GRXCR2: variants seen among roughly 807,000 people sequenced by gnomAD.
GRXCR2 encodes the protein glutaredoxin domain-containing cysteine-rich protein 2.
In GRXCR2, 23 loss-of-function variants were observed where a neutral mutation model predicts 24.8. That is an observed-to-expected ratio of 0.93 (90% CI 0.67 to 1.32). GRXCR2 has a LOEUF of 1.32. Ranked by LOEUF, GRXCR2 falls within the 40% of genes most tolerant of loss-of-function variation. GRXCR2 has a pLI of 0.00. For missense variants in GRXCR2, 315 were observed against 303.4 expected, an observed-to-expected ratio of 1.04 and a Z score of -0.28; for synonymous variants, 130 against 116.1, an observed-to-expected ratio of 1.12 and a Z score of -0.77.
At chr5:145,907,088 CA>C (rs1206908801) in intron 2 of GRXCR2, among the ~76,000 whole-genome samples, 1 of 152,106 alleles carries the variant, frequency 6.6e-6, no homozygotes, top group East Asian at 1.9e-4. Flanking sequence ...GCATAGAGGA[CA>C]GGGGGTAGGT....
upstream of GRXCR2, among the ~76,000 whole-genome samples, chr5:145,873,857 C>T (rs1021069108): frequency 6.6e-6 from 1 of 152,212 alleles, no homozygotes; most frequent in African/African-American, 2.4e-5. Context: ...GTGAATAGCA[C>T]AGAAGCATGT....
intron 2 of GRXCR2, among the ~76,000 whole-genome samples, chr5:145,925,169 A>G (rs1254845995): frequency 3.3e-5 from 5 of 152,184 alleles, no homozygotes; most frequent in Admixed American, 6.6e-5. Flanking sequence ...CAGCATGTTT[A>G]AGTAATTTGC....
At chr5:145,927,653 G>A (rs1333406704) in intron 2 of GRXCR2, among the ~76,000 whole-genome samples, 1 of 152,070 alleles carries the variant, frequency 6.6e-6, no homozygotes, top group Non-Finnish European at 1.5e-5. Context: ...GAGGATTTTT[G>A]CATTGATGTT....
At chr5:145,882,958 T>C (rs1404544900) in intron 2 of GRXCR2, among the ~76,000 whole-genome samples, 1 of 136,822 alleles carries the variant, frequency 7.3e-6, no homozygotes, top group Non-Finnish European at 1.5e-5. Flanking sequence ...CACTCATAGT[T>C]GGGAATTGAA....
Position 145,859,845 on chromosome 5 carries a change from T to A in GRXCR2, c.635A>T (p.His212Leu). Residue 212 changes from histidine (H) to leucine (L), a missense_variant, in exon 3 of 3, where the codon CAC (histidine) becomes CTC (leucine). Transcript: ENST00000377976. Reference protein sequence around the residue: ...GSGSATCSLCHGSKFSMLANR... With the variant: ...GSGSATCSLCLGSKFSMLANR... Reference sequence around the variant, plus strand: ...GGCCAGCATCGAGAACTTGCTGCCGTGGCACAGAGAGCAGGTGGCACTGCC... The same window carrying A: ...GGCCAGCATCGAGAACTTGCTGCCGAGGCACAGAGAGCAGGTGGCACTGCC... 6.2e-7 allele frequency: 1 copy of A among 1,613,442 alleles called. No individual in the cohort carries two copies. The highest frequency in any genetic ancestry group is 8.5e-7 in the Non-Finnish European group (1 of 1,179,642).
chr5:145,876,187 GTGTGTATATATA>G (rs1289455566), upstream of GRXCR2, among the ~76,000 whole-genome samples: 1 of 77,082 alleles, frequency 1.3e-5, no homozygotes, highest in African/African-American at 8.3e-5. Context: ...GTATGTGTGT[GTGTGTATATATA>G]TATATATATA....
intron 2 of GRXCR2, among the ~76,000 whole-genome samples, chr5:145,914,133 G>A (rs1464671241): frequency 1.3e-5 from 2 of 152,116 alleles, no homozygotes; most frequent in Non-Finnish European, 2.9e-5. Flanking sequence ...GGGACGGCTG[G>A]CCACTCCTCT....
At chr5:145,905,104 G>C (rs981092042) in intron 2 of GRXCR2, among the ~76,000 whole-genome samples, 1 of 152,180 alleles carries the variant, frequency 6.6e-6, no homozygotes, top group African/African-American at 2.4e-5. Flanking sequence ...TTACCAAAAA[G>C]CATGGTTCTT....
At chr5:145,904,829 C>T (rs924855097) in intron 2 of GRXCR2, among the ~76,000 whole-genome samples, 9 of 152,214 alleles carry the variant, frequency 5.9e-5, no homozygotes, top group African/African-American at 2.2e-4. Flanking sequence ...ATGGGATGAG[C>T]CTCACATGCT....
At chr5:145,873,609 T>C (rs139942008), upstream of GRXCR2, among the ~76,000 whole-genome samples, 248 of 152,314 alleles carry the variant, frequency 1.6e-3, no homozygotes, top group Non-Finnish European at 2.6e-3. Flanking sequence ...CCAGAAGTTT[T>C]CCAGTTCTGG....
At chr5:145,872,595 C>A in intron 1 of GRXCR2, 38 bp downstream of exon 1, 1 of 1,507,060 alleles carries the variant, frequency 6.6e-7, no homozygotes, top group Non-Finnish European at 8.9e-7. Flanking sequence ...TTTAGGAAGC[C>A]CTACCCTTAA....
At chr5:145,905,961 G>A (rs1757086365) in intron 2 of GRXCR2, among the ~76,000 whole-genome samples, 1 of 152,092 alleles carries the variant, frequency 6.6e-6, no homozygotes, top group African/African-American at 2.4e-5. Flanking sequence ...AATAGATTGG[G>A]GCTACATTAT....
In GRXCR2 at chr5:145,866,748, G is replaced by A. The variant is rs201457352; in HGVS notation, c.337-20C>T. ...TAGGGGCTAGAGAAATGGAGAATGA[G>A]CATGGAAACTTTACCACCAATCACC... On this transcript the variant is annotated intron_variant, in intron 1 of 2. Coordinates refer to ENST00000377976, the MANE Select transcript of GRXCR2 (RefSeq NM_001080516.2). 1.1e-4 allele frequency: 159 copies of A among 1,509,342 alleles called. No homozygotes were observed. The African/African-American group carries it at 1.8e-3, about 17-fold the overall frequency. The allele number at this position is 1,509,342 out of a possible 1,614,324, so 93.5% of individuals were successfully genotyped here.
chr5:145,862,627 C>G (rs1350016164), intron 2 of GRXCR2, among the ~76,000 whole-genome samples: 1 of 152,192 alleles, frequency 6.6e-6, no homozygotes, highest in East Asian at 1.9e-4. Flanking sequence ...TCTACTAGCT[C>G]CATGACCAAG....
intron 2 of GRXCR2, among the ~76,000 whole-genome samples, chr5:145,929,751 C>T (rs1363944233): frequency 6.6e-6 from 1 of 152,166 alleles, no homozygotes; most frequent in Non-Finnish European, 1.5e-5. Context: ...GGAAAGAATA[C>T]AAACATGCTT....
chr5:145,861,529 C>G (rs953788981), intron 2 of GRXCR2, among the ~76,000 whole-genome samples: 5 of 152,054 alleles, frequency 3.3e-5, no homozygotes, highest in Non-Finnish European at 7.4e-5. Context: ...GTTCCCCCAC[C>G]CCCATGGCCA....
chr5:145,889,420 C>A (rs1756830627), intron 2 of GRXCR2, among the ~76,000 whole-genome samples: 1 of 152,016 alleles, frequency 6.6e-6, no homozygotes, highest in African/African-American at 2.4e-5. Context: ...GCCCCAATAA[C>A]CTATGCAAAT....
chr5:145,860,778 C>A lies in GRXCR2; in HGVS notation c.565-863G>T, dbSNP rs187465062. Among the ~76,000 whole-genome samples the A allele has an allele frequency of 3.3e-5, 5 of 152,226 alleles. No homozygotes were observed. In the East Asian group the frequency reaches 9.7e-4, roughly 29 times the overall value. ...TCCCTTAGCCTCTCCCAATCTGTTT[C>A]TTTATTTATAGAATTGAATAATAAT... On this transcript the variant is annotated intron_variant, in intron 2 of 2. Coordinates refer to ENST00000377976, the MANE Select transcript of GRXCR2 (RefSeq NM_001080516.2).
At chr5:145,918,936 G>C (rs1255332451) in intron 2 of GRXCR2, among the ~76,000 whole-genome samples, 2 of 152,172 alleles carry the variant, frequency 1.3e-5, no homozygotes, top group African/African-American at 4.8e-5. Context: ...CTAGTGCTGT[G>C]TGTGAGCCCC....
Sources: allele counts gnomAD v4.1 joint callset (sites outside exome capture counted in the v4.1 genomes callset), GRCh38; gene constraint gnomAD v4.1.1; transcripts MANE v1.5; gene names NCBI Gene and HGNC (gene_info 2026-07-23, HGNC 2026-07-21).